Variants in MBOAT7 observed in about 807,000 individuals in gnomAD.
MBOAT7 encodes the protein membrane-bound acylglycerophosphatidylinositol O-acyltransferase MBOAT7.
A neutral mutation model predicts 47.4 loss-of-function variants in MBOAT7; 40 were observed. The ratio of observed to expected loss-of-function variants is 0.84; its 90% CI spans 0.66 to 1.10. The LOEUF (loss-of-function observed/expected upper bound fraction) is 1.10. MBOAT7 is among the 50% of genes least tolerant of loss of function. The pLI is 0.00. For synonymous variants in MBOAT7, 361 were observed against 292.0 expected (o/e 1.24, Z -2.41); for missense variants, 680 against 655.6 (o/e 1.04, Z -0.41).
chr19:54,183,537 G>A lies in MBOAT7; in HGVS notation c.477C>T (p.Tyr159=), dbSNP rs756210848. ...CCCACTCACCTGTCATGATTCCCAC[G>A]TAGCAGTAGCTGTAGCTGAGTGTCT... The part of the protein sequence containing the change: ...LMETLSYSYC[Y]VGIMTGPFFR... Residue 159 remains tyrosine, a synonymous_variant, in exon 5 of 8, where the codon TAC becomes TAT. Transcript: ENST00000245615. 2.3e-5 allele frequency: 37 copies of A among 1,607,804 alleles called. No individual in the cohort carries two copies. The highest frequency in any genetic ancestry group is 4.5e-5 in the East Asian group (2 of 44,292).
At position 54,180,645 on chromosome 19, in the gene MBOAT7, C is replaced by T. The variant is rs2076235339; in HGVS notation, c.854+128G>A. 1.4e-5 allele frequency: 12 copies of T among 888,822 alleles called. No homozygotes were observed. Among genetic ancestry groups the T allele is most frequent in the East Asian group, 2.8e-5 (1 of 35,984 alleles). 55.1% of individuals were successfully genotyped at this position (888,822 alleles called of 1,614,324 possible). ...TGGCAGGCCATGGTTGCCGAGGGGG[C>T]GACACTCTGCTCAAAAAGGTGGTGG... On this transcript the variant is annotated intron_variant, in intron 6 of 7. Coordinates refer to ENST00000245615, the MANE Select transcript of MBOAT7 (RefSeq NM_024298.5). The surrounding 1 kb of genome is among the most constrained non-coding windows in gnomAD (Gnocchi z 5.2).
At chr19:54,184,641 G>A (rs371667517) in intron 4 of MBOAT7, among the ~76,000 whole-genome samples, 7 of 152,178 alleles carry the variant, frequency 4.6e-5, no homozygotes, top group East Asian at 3.9e-4. Context: ...GGTGGCTCAC[G>A]CCTGTAATCC....
chr19:54,178,190 G>A lies in MBOAT7; in HGVS notation c.1031+575C>T, dbSNP rs1446628611. 8 of 981,816 alleles carry A rather than the reference G, an allele frequency of 8.1e-6. No homozygotes were observed. The African/African-American group carries it at 1.1e-4, about 13-fold the overall frequency. 60.8% of individuals were successfully genotyped at this position (981,816 alleles called of 1,614,324 possible). Reference sequence around the variant, plus strand: ...CTCCCAAAGTGCTGGGATTCCAGGCGTGAGCTGCCGCACCCGGCTGAGTTT... The same window carrying A: ...CTCCCAAAGTGCTGGGATTCCAGGCATGAGCTGCCGCACCCGGCTGAGTTT... On this transcript the variant is annotated intron_variant, in intron 7 of 7. Coordinates refer to ENST00000245615, the MANE Select transcript of MBOAT7 (RefSeq NM_024298.5).
At chr19:54,177,142 AG>A (rs1260675488) in intron 7 of MBOAT7, among the ~76,000 whole-genome samples, 1 of 68,186 alleles carries the variant, frequency 1.5e-5, no homozygotes, top group Non-Finnish European at 3.0e-5. Flanking sequence ...CCTGGGTGAC[AG>A]AGCATCAAAA....
chr19:54,176,319 T>C (rs964550293), intron 7 of MBOAT7, among the ~76,000 whole-genome samples: 2 of 152,236 alleles, frequency 1.3e-5, no homozygotes, highest in African/African-American at 2.4e-5. Context: ...GGGAGGACCA[T>C]TGGCTTTCTG....
Position 54,180,545 on chromosome 19 carries a change from A to G in MBOAT7, c.854+228T>C. 1.9e-6 allele frequency: 1 copy of G among 535,792 alleles called. No homozygotes were observed. The highest frequency in any genetic ancestry group is 3.3e-6 in the Non-Finnish European group (1 of 306,834). 33.2% of individuals were successfully genotyped at this position (535,792 alleles called of 1,614,324 possible). A position where few individuals can be genotyped will look rare whatever the true frequency, so the allele number is the denominator to read the frequency against. ...TCCTAGCGACAGGGGGCAGTTCACCACACTGCGGGGTGACAAGCGCTAGCA... is the reference window on the plus strand; with the variant it reads ...TCCTAGCGACAGGGGGCAGTTCACCGCACTGCGGGGTGACAAGCGCTAGCA... On this transcript the variant is annotated intron_variant, in intron 6 of 7. Coordinates refer to ENST00000245615, the MANE Select transcript of MBOAT7 (RefSeq NM_024298.5). The surrounding 1 kb of genome is among the most constrained non-coding windows in gnomAD (Gnocchi z 5.2).
chr19:54,176,516 C>A (rs927254930), intron 7 of MBOAT7, among the ~76,000 whole-genome samples: 1 of 151,802 alleles, frequency 6.6e-6, no homozygotes, highest in Admixed American at 6.6e-5. Context: ...CGAGATCACG[C>A]CACTGCACTT....
intron 7 of MBOAT7, among the ~76,000 whole-genome samples, chr19:54,176,110 C>T (rs1372924527): frequency 6.6e-6 from 1 of 152,210 alleles, no homozygotes; most frequent in Non-Finnish European, 1.5e-5. Flanking sequence ...CCACCTTGGC[C>T]TCCCAAAGTG....
At chr19:54,183,434 G>A in intron 5 of MBOAT7, 87 bp downstream of exon 5, 1 of 1,482,446 alleles carries the variant, frequency 6.7e-7, no homozygotes, top group South Asian at 1.3e-5. Flanking sequence ...GGTTGCCCTG[G>A]GCAGGGCGGG....
At chr19:54,176,879 C>T (rs2076121197) in intron 7 of MBOAT7, among the ~76,000 whole-genome samples, 2 of 151,814 alleles carry the variant, frequency 1.3e-5, no homozygotes, top group Non-Finnish European at 2.9e-5. Flanking sequence ...ACAGTGAGAC[C>T]TCATCTCTAT....
intron 4 of MBOAT7, among the ~76,000 whole-genome samples, chr19:54,184,623 C>T (rs2076380020): frequency 1.3e-5 from 2 of 152,074 alleles, no homozygotes; most frequent in Non-Finnish European, 2.9e-5. Flanking sequence ...ATAATTTTGG[C>T]CGGGCGCGGT....
intron 5 of MBOAT7, among the ~76,000 whole-genome samples, chr19:54,183,158 G>A (rs966754682): frequency 2.0e-5 from 3 of 152,250 alleles, no homozygotes; most frequent in South Asian, 4.1e-4. Flanking sequence ...AAGCCCCCAC[G>A]CCCAGATGAA....
chr19:54,181,697 A>G (rs1555836956), intron 5 of MBOAT7, among the ~76,000 whole-genome samples: 15 of 73,436 alleles, frequency 2.0e-4, no homozygotes, highest in African/African-American at 3.7e-4. Flanking sequence ...GAGGGAGGGA[A>G]GGAGGGAAGG....
At chr19:54,187,098 T>G in intron 4 of MBOAT7, 63 bp downstream of exon 4, 1 of 1,496,362 alleles carries the variant, frequency 6.7e-7, no homozygotes, top group Non-Finnish European at 8.9e-7. Flanking sequence ...AAGGGGGAGG[T>G]AAAGTGGGAG....
chr19:54,187,457 G>A (rs1346176574), intron 3 of MBOAT7, 170 bp from the exon 4 acceptor site: 2 of 759,186 alleles, frequency 2.6e-6, no homozygotes, highest in East Asian at 5.6e-5. Flanking sequence ...GAATGAGTAT[G>A]ATTGAAACAG....
chr19:54,174,739 C>T (rs1307206650), intron 7 of MBOAT7, among the ~76,000 whole-genome samples: 2 of 151,856 alleles, frequency 1.3e-5, no homozygotes, highest in Non-Finnish European at 2.9e-5. Flanking sequence ...CCACCTCCCT[C>T]CTCCCTCAGA....
At chr19:54,185,120 G>A (rs1242303747) in intron 4 of MBOAT7, among the ~76,000 whole-genome samples, 1 of 151,850 alleles carries the variant, frequency 6.6e-6, no homozygotes, top group Non-Finnish European at 1.5e-5. Context: ...TGAGGCAGGA[G>A]AATCGCTCGA....
chr19:54,183,350 C>T (rs879731509), intron 5 of MBOAT7, among the ~76,000 whole-genome samples, 171 bp downstream of exon 5: 8 of 152,234 alleles, frequency 5.3e-5, no homozygotes, highest in Admixed American at 3.9e-4. Flanking sequence ...CCCAAAGCAG[C>T]TCTGGTCCAG....
At chr19:54,187,045 C>G (rs769969592) in intron 4 of MBOAT7, 116 bp downstream of exon 4, 5 of 1,293,016 alleles carry the variant, frequency 3.9e-6, no homozygotes, top group South Asian at 1.5e-5. Flanking sequence ...GGTGACGTCC[C>G]ACCCCCAGGG....
Sources: allele counts gnomAD v4.1 joint callset (sites outside exome capture counted in the v4.1 genomes callset), GRCh38; gene constraint gnomAD v4.1.1; non-coding constraint Gnocchi (gnomAD v3.1); transcripts MANE v1.5; gene names NCBI Gene and HGNC (gene_info 2026-07-23, HGNC 2026-07-21).